The following OR5P3 variants were observed in gnomAD, a reference collection of about 807,000 sequenced individuals.
OR5P3 encodes the protein olfactory receptor 5P3.
For missense variants in OR5P3, 415 were observed against 375.6 expected, an observed-to-expected ratio of 1.10 and a Z score of -0.87; for synonymous variants, 172 against 141.8, an observed-to-expected ratio of 1.21 and a Z score of -1.51.
intron 1 of OR5P3, 40 bp from the exon 2 acceptor site, chr11:7,826,033 G>T: frequency 4.4e-6 from 4 of 914,724 alleles, no homozygotes; most frequent in South Asian, 1.7e-5. Context: ...GGGATTAAAT[G>T]CTATAATTGC....
rs1020927130 is a variant in OR5P3, at chr11:7,825,286, G to A, written c.687C>T (p.His229=). The change falls in exon 2 of 2, where the codon CAC becomes CAT. Residue 229 remains histidine, a synonymous_variant. Coordinates refer to ENST00000641167, the MANE Select transcript of OR5P3 (RefSeq NM_153445.2). ...AGGCCTTGTGGCGGCCCTTGGTGGA[G>A]TGCATCTTCAGGATGGTGATGAGGA... The part of the protein sequence containing the change: ...IYILITILKM[H]STKGRHKAFS... The A allele has an allele frequency of 1.9e-6, 3 of 1,613,188 alleles. No homozygotes were observed. The highest frequency in any genetic ancestry group is 1.1e-5 in the South Asian group (1 of 91,088).
Position 7,825,539 on chromosome 11 carries a change from A to C in OR5P3, c.434T>G (p.Val145Gly). 1 of 1,613,234 alleles carries C rather than the reference A, an allele frequency of 6.2e-7. No homozygotes were observed. Among genetic ancestry groups the C allele is most frequent in the Non-Finnish European group, 8.5e-7 (1 of 1,180,030 alleles). ...CMSPGVCIIL[V>G]GMSYLGGCVN... The stretch of plus-strand genomic sequence containing the variant: ...ACATCCACCCAGGTAGGACATGCCC[A>C]CTAAGATGATGCAGACTCCAGGGGA... Residue 145 changes from valine (V) to glycine (G), a missense_variant, in exon 2 of 2, where the codon GTG becomes GGG. By Grantham distance (109) the Val-to-Gly change is moderately radical. Coordinates refer to ENST00000641167, the MANE Select transcript of OR5P3 (RefSeq NM_153445.2).
intron 1 of OR5P3, among the ~76,000 whole-genome samples, chr11:7,829,166 C>T (rs1857780131): frequency 1.3e-5 from 2 of 152,106 alleles, no homozygotes; most frequent in Non-Finnish European, 2.9e-5. Flanking sequence ...GTTGGGATTA[C>T]AGCATAGAAA....
At position 7,825,187 on chromosome 11, in the gene OR5P3, G is replaced by C. The variant is rs774984094; in HGVS notation, c.786C>G (p.Pro262=). 2.5e-6 allele frequency: 4 copies of C among 1,609,894 alleles called. No individual in the cohort carries two copies. Among genetic ancestry groups the C allele is most frequent in the Non-Finnish European group, 3.4e-6 (4 of 1,180,014 alleles). ...YGTITFIYVM[P]KSSYSTDQNK... is the part of the protein sequence containing the mutation. ...TCTGGTCAGTTGAGTAGCTGGACTT[G>C]GGCATCACATAAATGAAGGTAATGG... The change falls in exon 2 of 2, where the codon CCC becomes CCG. Residue 262 remains proline, a synonymous_variant. Transcript: ENST00000641167.
In OR5P3 at chr11:7,828,525, G is replaced by A. The variant is rs1161127777; in HGVS notation, c.-22+2299C>T. Among the ~76,000 whole-genome samples, 3 of 152,286 alleles carry A rather than the reference G, an allele frequency of 2.0e-5. No homozygotes were observed. The East Asian group carries it at 5.8e-4, about 29-fold the overall frequency. On this transcript the variant is annotated intron_variant, in intron 1 of 1. Coordinates refer to ENST00000641167, the MANE Select transcript of OR5P3 (RefSeq NM_153445.2). ...GAGGGTGAAAGCTAATCCCAAAGTT[G>A]TGAAGATTGTGAGGAAGGGGTAATA... is the stretch of plus-strand genomic sequence containing the variant.
At chr11:7,829,687 T>G (rs969829537) in intron 1 of OR5P3, among the ~76,000 whole-genome samples, 2 of 152,238 alleles carry the variant, frequency 1.3e-5, no homozygotes, top group Non-Finnish European at 2.9e-5. Context: ...TTGCTTTCAC[T>G]CTGGAGTCTG....
In OR5P3 at chr11:7,824,959, G is replaced by C. The variant is rs16932488; in HGVS notation, c.*78C>G. 0.26 allele frequency: 305,208 copies of C among 1,189,262 alleles called. 40,339 individuals carry two copies. Among genetic ancestry groups the C allele is most frequent in the Non-Finnish European group, 0.27 (235,671 of 876,976 alleles). The allele number at this position is 1,189,262 out of a possible 1,614,324, so 73.7% of individuals were successfully genotyped here. A position where few individuals can be genotyped will look rare whatever the true frequency, so the allele number is the denominator to read the frequency against. Reference sequence around the variant, plus strand: ...AATGGTCTATGGACAGATAAATTTTGACCACAAACACTCGGTGTCTTATTA... The same window carrying C: ...AATGGTCTATGGACAGATAAATTTTCACCACAAACACTCGGTGTCTTATTA... On this transcript the variant is annotated 3_prime_UTR_variant, in exon 2 of 2. Transcript: ENST00000641167.
chr11:7,828,295 A>T (rs570295449), intron 1 of OR5P3, among the ~76,000 whole-genome samples: 84 of 152,322 alleles, frequency 5.5e-4, no homozygotes, highest in Non-Finnish European at 1.0e-3. Flanking sequence ...TGACTGCAGA[A>T]GGGCACAGGA....
rs140660054 is a variant in OR5P3, at chr11:7,825,726, T to A, written c.247A>T (p.Met83Leu). The A allele has an allele frequency of 6.2e-7, 1 of 1,612,808 alleles. No homozygotes were observed. The highest frequency in any genetic ancestry group is 1.4e-5 in the African/African-American group (1 of 74,012). ...YSSSVTPVML[M>L]SFLRKETSLP... ...GAGGTTTCTTTCCTTAGGAAGCTCATGAGCATGACAGGTGTGACTGATGAG... is the reference window on the plus strand; with the variant it reads ...GAGGTTTCTTTCCTTAGGAAGCTCAAGAGCATGACAGGTGTGACTGATGAG... Residue 83 changes from methionine to leucine, a missense_variant, in exon 2 of 2, where the codon ATG (methionine) becomes TTG (leucine). Transcript: ENST00000641167.
In OR5P3 at chr11:7,825,612, C is replaced by A; in HGVS notation, c.361G>T (p.Asp121Tyr). Residue 121 changes from aspartate to tyrosine, a missense_variant, in exon 2 of 2, where the codon GAT (aspartate) becomes TAT (tyrosine). By Grantham distance (160) the Asp-to-Tyr change is radical. Transcript: ENST00000641167. The part of the protein sequence containing the change: ...ECFLLAAMAY[D>Y]RYVAICSPLL... The stretch of plus-strand genomic sequence containing the variant: ...GGTGAGCAGATGGCCACATAGCGAT[C>A]ATAGGCCATGGCAGCCAGCAGGAAG... The A allele has an allele frequency of 6.2e-7, 1 of 1,613,084 alleles. No individual in the cohort carries two copies.
rs1417091178 is a variant in OR5P3 at position 7,825,476 on chromosome 11, A to G, written c.497T>C (p.Leu166Pro). 4.3e-6 allele frequency: 7 copies of G among 1,613,224 alleles called. No individual in the cohort carries two copies. The highest frequency in any genetic ancestry group is 1.3e-5 in the African/African-American group (1 of 74,076). ...AWTFIGCLLRLSFCGPNKVNH... is the reference protein window; with the variant it reads ...AWTFIGCLLRPSFCGPNKVNH... ...GACTTTATTTGGCCCACAGAAGGAC[A>G]GTCTTAATAAGCAGCCAATGAATGT... The change falls in exon 2 of 2, where the codon CTG becomes CCG. Residue 166 changes from leucine to proline, a missense_variant. Transcript: ENST00000641167.
rs369932144 is a variant in OR5P3, at chr11:7,825,248, G to T, written c.725C>A (p.Thr242Asn). Reference sequence around the variant, plus strand: ...CAGAGTGACTGCAGTGAGGTGGGAGGTGCAGGTGGAGAAGGCCTTGTGGCG... The same window carrying T: ...CAGAGTGACTGCAGTGAGGTGGGAGTTGCAGGTGGAGAAGGCCTTGTGGCG... ...KGRHKAFSTC[T>N]SHLTAVTLFY... Residue 242 changes from threonine (T) to asparagine (N), a missense_variant, in exon 2 of 2, where the codon ACC (threonine) becomes AAC (asparagine). Coordinates refer to ENST00000641167, the MANE Select transcript of OR5P3 (RefSeq NM_153445.2). The T allele has an allele frequency of 6.2e-7, 1 of 1,613,082 alleles. No homozygotes were observed. The highest frequency in any genetic ancestry group is 1.1e-5 in the South Asian group (1 of 91,082).
At chr11:7,827,512 G>C (rs1306801461) in intron 1 of OR5P3, among the ~76,000 whole-genome samples, 2 of 152,112 alleles carry the variant, frequency 1.3e-5, no homozygotes, top group African/African-American at 4.8e-5. Flanking sequence ...GACAGATATG[G>C]AATGTTAGGG....
intron 1 of OR5P3, among the ~76,000 whole-genome samples, chr11:7,827,732 A>G (rs1165214178): frequency 3.2e-4 from 48 of 152,196 alleles, no homozygotes; most frequent in Admixed American, 3.1e-3. Flanking sequence ...AGATTACGGA[A>G]AAGCTACAGT....
intron 1 of OR5P3, among the ~76,000 whole-genome samples, chr11:7,826,241 G>A (rs759588820): frequency 3.9e-4 from 59 of 151,664 alleles, no homozygotes; most frequent in Admixed American, 5.9e-4. Flanking sequence ...GTATTGGATG[G>A]TTAATTTAGG....
Position 7,825,079 on chromosome 11 carries a change from C to T in OR5P3, c.894G>A (p.Lys298=), listed in dbSNP as rs1400629443. 6.2e-7 allele frequency: 1 copy of T among 1,614,064 alleles called. No homozygotes were observed. Among genetic ancestry groups the T allele is most frequent in the Admixed American group, 1.7e-5 (1 of 60,008 alleles). ...TTCTAAGCTCTCTCTTCAGAGCCCC[C>T]TTAATCTCCTTGTTCCTGAGGCTGT... ...LIYSLRNKEI[K]GALKRELRIK... is the part of the protein sequence containing the mutation. Residue 298 remains lysine (K), a synonymous_variant, in exon 2 of 2, where the codon AAG becomes AAA. Transcript: ENST00000641167.
chr11:7,826,078 G>T, intron 1 of OR5P3, 85 bp from the exon 2 acceptor site: 1 of 674,246 alleles, frequency 1.5e-6, no homozygotes, highest in Non-Finnish European at 2.4e-6. Flanking sequence ...TAACCAAAAA[G>T]TATAACAATT....
In OR5P3 at chr11:7,825,935, G is replaced by A; in HGVS notation, c.38C>T (p.Thr13Ile). The A allele has an allele frequency of 6.3e-7, 1 of 1,590,042 alleles. No individual in the cohort carries two copies. Among genetic ancestry groups the A allele is most frequent in the South Asian group, 1.1e-5 (1 of 89,660 alleles). The change falls in exon 2 of 2, where the codon ACT becomes ATT. Residue 13 changes from threonine (T) to isoleucine (I), a missense_variant. Thr to Ile is a moderately conservative substitution (Grantham distance 89). Coordinates refer to ENST00000641167, the MANE Select transcript of OR5P3 (RefSeq NM_153445.2). ...AGTATCCTCAGATAACCCCAAAAGA[G>A]TAAACTCTACCACAGTGGTGTCATT... ...TGNDTTVVEF[T>I]LLGLSEDTTV...
chr11:7,825,273 G>A lies in OR5P3; in HGVS notation c.700C>T (p.Arg234Cys), dbSNP rs779097676. ...GTGCAGGTGGAGAAGGCCTTGTGGCGGCCCTTGGTGGAGTGCATCTTCAGG... is the reference window on the plus strand; with the variant it reads ...GTGCAGGTGGAGAAGGCCTTGTGGCAGCCCTTGGTGGAGTGCATCTTCAGG... ...TILKMHSTKG[R>C]HKAFSTCTSH... Residue 234 changes from arginine (R) to cysteine (C), a missense_variant, in exon 2 of 2, where the codon CGC (arginine) becomes TGC (cysteine). Physicochemically the swap from Arg to Cys is radical, Grantham distance 180 (BLOSUM62 -3). Coordinates refer to ENST00000641167, the MANE Select transcript of OR5P3 (RefSeq NM_153445.2). The A allele has an allele frequency of 2.0e-5, 33 of 1,613,044 alleles. No homozygotes were observed. The highest frequency in any genetic ancestry group is 3.3e-4 in the Middle Eastern group (2 of 6,062).
Sources: allele counts gnomAD v4.1 joint callset (sites outside exome capture counted in the v4.1 genomes callset), GRCh38; gene constraint gnomAD v4.1.1; transcripts MANE v1.5; gene names NCBI Gene and HGNC (gene_info 2026-07-23, HGNC 2026-07-21).